Variants in HELZ observed in about 807,000 individuals in gnomAD.
HELZ encodes ATP-dependent RNA helicase with zinc finger domain.
A neutral mutation model predicts 218.2 loss-of-function variants in HELZ; 23 were observed. The ratio of observed to expected loss-of-function variants is 0.11; its 90% CI spans 0.08 to 0.15. The LOEUF is 0.15. HELZ is among the 10% of genes least tolerant of loss of function. The pLI, the probability that HELZ is intolerant of heterozygous loss-of-function variation, is 1.00. For missense variants in HELZ, 1,813 were observed against 2,353.7 expected (o/e 0.77, Z 4.75); for synonymous variants, 814 against 829.4 (o/e 0.98, Z 0.32).
intron 3 of HELZ, among the ~76,000 whole-genome samples, chr17:67,219,620 A>C (rs908885465): frequency 6.9e-6 from 1 of 145,826 alleles, no homozygotes; most frequent in African/African-American, 2.6e-5. Context: ...CTCAAGGTAC[A>C]TCAGAGGAGT....
chr17:67,179,703 T>G (rs1483513203), intron 12 of HELZ: 2 of 152,094 alleles, frequency 1.3e-5, no homozygotes, highest in Non-Finnish European at 2.9e-5. Context: ...TACTTTTCTA[T>G]TGAGTGAAAC....
At chr17:67,141,222 A>G (rs182567492) in intron 21 of HELZ, among the ~76,000 whole-genome samples, 1 of 152,304 alleles carries the variant, frequency 6.6e-6, no homozygotes, top group Admixed American at 6.5e-5. Context: ...CTGGTTTAAA[A>G]AGCAACTGCA....
chr17:67,125,439 G>A (rs11868339), intron 24 of HELZ, among the ~76,000 whole-genome samples: 13,863 of 149,446 alleles, frequency 0.093, 900 homozygotes, highest in Non-Finnish European at 0.14. Flanking sequence ...ATGAGAAGCA[G>A]GAGCAATTAG....
At chr17:67,119,959 A>C (rs2143819229) in intron 27 of HELZ, 1 of 390,060 alleles carries the variant, frequency 2.6e-6, no homozygotes, top group Non-Finnish European at 4.8e-6. Flanking sequence ...TGGAGAGAGG[A>C]TCCATAGTTT....
At chr17:67,213,891 T>C (rs1036104496) in intron 5 of HELZ, among the ~76,000 whole-genome samples, 1 of 152,232 alleles carries the variant, frequency 6.6e-6, no homozygotes, top group African/African-American at 2.4e-5. Flanking sequence ...CATGGTATAC[T>C]GATATGTAAG....
chr17:67,075,683 A>G lies in HELZ; in HGVS notation c.*2569T>C, dbSNP rs578176654. ...TTTAAAGCATGGTTGGAAAGATGGC[A>G]TTATGTAATGCTGAGGAAGAGTAAG... On this transcript the variant is annotated 3_prime_UTR_variant, in exon 33 of 33. Coordinates refer to ENST00000358691, the MANE Select transcript of HELZ (RefSeq NM_014877.4). 1.3e-5 allele frequency: 2 copies of G among 152,336 alleles called. No individual in the cohort carries two copies. The highest frequency in any genetic ancestry group is 4.8e-5 in the African/African-American group (2 of 41,580). 9.4% of individuals were successfully genotyped at this position (152,336 alleles called of 1,614,324 possible).
chr17:67,234,984 G>T (rs2041139228), intron 3 of HELZ, among the ~76,000 whole-genome samples: 1 of 152,122 alleles, frequency 6.6e-6, no homozygotes, highest in Non-Finnish European at 1.5e-5. Context: ...ACCTTGTATG[G>T]CCCCCTTCAA....
intron 5 of HELZ, among the ~76,000 whole-genome samples, chr17:67,205,691 A>C (rs570847296): frequency 5.8e-4 from 89 of 152,372 alleles, no homozygotes; most frequent in Non-Finnish European, 1.0e-3. Context: ...GTCATACTTA[A>C]AGAGTATTAA....
intron 32 of HELZ, among the ~76,000 whole-genome samples, chr17:67,081,816 G>C (rs1307037520): frequency 6.6e-6 from 1 of 152,204 alleles, no homozygotes; most frequent in East Asian, 1.9e-4. Context: ...GGGCAGGGGG[G>C]TGCAGGTACA....
At chr17:67,150,236 C>A (rs28718897) in intron 18 of HELZ, 6,851 of 263,694 alleles carry the variant, frequency 0.026, 437 homozygotes, top group African/African-American at 0.14. Flanking sequence ...CTCAGGTGAT[C>A]CTCCAACCTC....
intron 31 of HELZ, among the ~76,000 whole-genome samples, chr17:67,090,812 T>C (rs948164110): frequency 6.6e-6 from 1 of 152,120 alleles, no homozygotes. Context: ...TACTAATCTT[T>C]CCGAACAACT....
At chr17:67,237,784 T>G (rs1200896268) in intron 3 of HELZ, among the ~76,000 whole-genome samples, 1 of 150,856 alleles carries the variant, frequency 6.6e-6, no homozygotes, top group Non-Finnish European at 1.5e-5. Context: ...AGGTCAGGAG[T>G]TCGAGACCAG....
At chr17:67,245,687 T>A (rs2041464904), upstream of HELZ, 1 of 197,112 alleles carries the variant, frequency 5.1e-6, no homozygotes, top group Non-Finnish European at 9.1e-6. Flanking sequence ...CCCGGAGAGG[T>A]GCCTCTGCCC....
intron 3 of HELZ, among the ~76,000 whole-genome samples, chr17:67,229,342 G>A (rs993810111): frequency 6.6e-6 from 1 of 151,890 alleles, no homozygotes; most frequent in Non-Finnish European, 1.5e-5. Flanking sequence ...TCCTTTCCTC[G>A]CCTCTCTCTG....
chr17:67,128,900 G>A, intron 23 of HELZ, 45 bp from the exon 24 acceptor site: 3 of 1,371,188 alleles, frequency 2.2e-6, no homozygotes, highest in Non-Finnish European at 3.1e-6. Context: ...CAATGGATGA[G>A]ATCACAGAAA....
rs1478569982 is a variant in HELZ at position 67,071,313 on chromosome 17, C to T, written c.*6939G>A. On this transcript the variant is annotated 3_prime_UTR_variant, in exon 33 of 33. Coordinates refer to ENST00000358691, the MANE Select transcript of HELZ (RefSeq NM_014877.4). ...TGGGACTTCAACCAGGACAAAGAGC[C>T]CTCTGACCTACTGAAAGATATAAAG... 1.3e-5 allele frequency: 2 copies of T among 152,480 alleles called. No homozygotes were observed. Among genetic ancestry groups the T allele is most frequent in the African/African-American group, 4.8e-5 (2 of 41,414 alleles). The allele number at this position is 152,480 out of a possible 1,614,324, so 9.4% of individuals were successfully genotyped here. A position where few individuals can be genotyped will look rare whatever the true frequency, so the allele number is the denominator to read the frequency against.
rs1286202482 is a variant in HELZ at position 67,111,922 on chromosome 17, G to A, written c.3919-2236C>T. On this transcript the variant is annotated intron_variant, in intron 28 of 32. Coordinates refer to ENST00000358691, the MANE Select transcript of HELZ (RefSeq NM_014877.4). ...TGCATAGTTTGGTCACATGAAGGAG[G>A]TCATAATCAGGTGTCAAGGTTGTTT... Among the ~76,000 whole-genome samples, 3 of 152,134 alleles carry A rather than the reference G, an allele frequency of 2.0e-5. No individual in the cohort carries two copies. In the East Asian group the frequency reaches 5.8e-4, roughly 29 times the overall value.
intron 14 of HELZ, 35 bp downstream of exon 14, chr17:67,167,428 G>T: frequency 1.4e-6 from 2 of 1,454,070 alleles, no homozygotes; most frequent in South Asian, 1.2e-5. Flanking sequence ...TGAGGCTACA[G>T]ACCACTATGG....
chr17:67,100,826 C>T (rs1399452381), intron 31 of HELZ, among the ~76,000 whole-genome samples: 1 of 152,096 alleles, frequency 6.6e-6, no homozygotes, highest in Non-Finnish European at 1.5e-5. Context: ...AGAGGCCAGG[C>T]ATGGTGGCTC....
Sources: gnomAD v4.1 joint callset for allele counts (sites outside exome capture counted in the v4.1 genomes callset) on GRCh38, gnomAD v4.1.1 for gene constraint, MANE v1.5 for transcripts, NCBI Gene and HGNC (gene_info 2026-07-23, HGNC 2026-07-21) for gene names.